OTOF: variants seen among roughly 807,000 people sequenced by gnomAD.
The protein encoded by OTOF is otoferlin.
Under a neutral mutation model 236.8 loss-of-function variants are expected in OTOF, and 218 were observed. The ratio of observed to expected loss-of-function variants is 0.92; its 90% CI spans 0.82 to 1.03. OTOF has a LOEUF of 1.03. Among genes scored for constraint, OTOF ranks in the 50% least tolerant of loss-of-function variants. The pLI is 0.00. For missense variants in OTOF, 2,590 were observed against 2,694.4 expected, an observed-to-expected ratio of 0.96 and a Z score of 0.86; for synonymous variants, 1,041 against 1,072.5, an observed-to-expected ratio of 0.97 and a Z score of 0.57.
At chr2:26,534,201 C>T (rs760842435) in intron 2 of OTOF, among the ~76,000 whole-genome samples, 1 of 152,202 alleles carries the variant, frequency 6.6e-6, no homozygotes, top group Admixed American at 6.5e-5. Flanking sequence ...GCCCATCTTG[C>T]CACACACTAA....
At chr2:26,554,021 A>G (rs1371644346) in intron 1 of OTOF, among the ~76,000 whole-genome samples, 2 of 151,994 alleles carry the variant, frequency 1.3e-5, no homozygotes, top group East Asian at 3.9e-4. Context: ...AAATACAAAA[A>G]TTAGTCGGGC....
At chr2:26,479,071 C>G (rs1399245743) in intron 18 of OTOF, among the ~76,000 whole-genome samples, 193 bp downstream of exon 18, 1 of 152,354 alleles carries the variant, frequency 6.6e-6, no homozygotes, top group Non-Finnish European at 1.5e-5. Context: ...TCACTGGAGG[C>G]TGAGTGACTA....
At chr2:26,512,682 G>T (rs1164341261) in intron 5 of OTOF, among the ~76,000 whole-genome samples, 4 of 152,172 alleles carry the variant, frequency 2.6e-5, no homozygotes, top group African/African-American at 9.7e-5. Context: ...AGAGCCCTTG[G>T]TATAGGGTGG....
At chr2:26,479,701 C>G in intron 16 of OTOF, 48 bp from the exon 17 acceptor site, 1 of 1,578,174 alleles carries the variant, frequency 6.3e-7, no homozygotes, top group Non-Finnish European at 8.7e-7. Flanking sequence ...CCCCACCAGG[C>G]CCCTCCCACC....
At position 26,461,631 on chromosome 2, in the gene OTOF, C is replaced by T; in HGVS notation, c.5533+65G>A. ...CAAGGCAGGGCTCTCCCTGTCCCCG[C>T]CAACCCGGCCCCTGCCTCTTCTCAG... is the stretch of plus-strand genomic sequence containing the variant. On this transcript the variant is annotated intron_variant, in intron 43 of 46. Coordinates refer to ENST00000272371, the MANE Select transcript of OTOF (RefSeq NM_194248.3). This position sits in a 1 kb window ranked among gnomAD's most constrained non-coding sequence, Gnocchi z 6.2. 6.2e-7 allele frequency: 1 copy of T among 1,605,014 alleles called. No individual in the cohort carries two copies. Among genetic ancestry groups the T allele is most frequent in the Non-Finnish European group, 8.5e-7 (1 of 1,178,224 alleles).
Position 26,466,822 on chromosome 2 carries a change from G to C in OTOF, c.4392C>G (p.Leu1464=). 6.2e-7 allele frequency: 1 copy of C among 1,614,248 alleles called. No homozygotes were observed. Among genetic ancestry groups the C allele is most frequent in the Non-Finnish European group, 8.5e-7 (1 of 1,180,052 alleles). Residue 1464 remains leucine (L), a synonymous_variant, in exon 36 of 47, where the codon CTC becomes CTG. Coordinates refer to ENST00000272371, the MANE Select transcript of OTOF (RefSeq NM_194248.3). ...KGSLCVYKVP[L]PEDVSREAGY... Reference sequence around the variant, plus strand: ...CGGCTTCCCGGGACACGTCCTCTGGGAGTGGCACTTTGTACACGCAGAGGG... The same window carrying C: ...CGGCTTCCCGGGACACGTCCTCTGGCAGTGGCACTTTGTACACGCAGAGGG...
chr2:26,469,304 A>G (rs952006423), intron 32 of OTOF, among the ~76,000 whole-genome samples: 4 of 152,244 alleles, frequency 2.6e-5, no homozygotes, highest in African/African-American at 9.7e-5. Flanking sequence ...GCAGTCTGTG[A>G]AAATTGCAGG....
At chr2:26,535,344 C>T (rs879601175) in intron 2 of OTOF, among the ~76,000 whole-genome samples, 5 of 152,166 alleles carry the variant, frequency 3.3e-5, no homozygotes, top group African/African-American at 7.2e-5. Context: ...TGGATGATTT[C>T]GGAGATTGAG....
In OTOF at chr2:26,475,231, G is replaced by A. The variant is rs140224863; in HGVS notation, c.3126+128C>T. On this transcript the variant is annotated intron_variant, in intron 25 of 46. Coordinates refer to ENST00000272371, the MANE Select transcript of OTOF (RefSeq NM_194248.3). ...GCCCCCACTCCCAGCTTCCCAGCCA[G>A]CACCTGGCCAAGGAGCTCTGCAGGT... 1.5e-3 allele frequency: 1,628 copies of A among 1,078,468 alleles called. 2 individuals are homozygous for A. Among genetic ancestry groups the A allele is most frequent in the Non-Finnish European group, 2.2e-3 (1,532 of 709,534 alleles). The allele number at this position is 1,078,468 out of a possible 1,614,324, so 66.8% of individuals were successfully genotyped here. A position where few individuals can be genotyped will look rare whatever the true frequency, so the allele number is the denominator to read the frequency against.
At chr2:26,523,339 T>C (rs1459475956) in intron 3 of OTOF, among the ~76,000 whole-genome samples, 1 of 152,240 alleles carries the variant, frequency 6.6e-6, no homozygotes, top group Non-Finnish European at 1.5e-5. Context: ...CTGCCTAGGA[T>C]GCCTCCTTCC....
Position 26,542,873 on chromosome 2 carries a change from A to G in OTOF, c.80-5099T>C, listed in dbSNP as rs567620980. Among the ~76,000 whole-genome samples the G allele has an allele frequency of 3.4e-4, 51 of 152,228 alleles. 1 individual carries two copies. In the South Asian group the frequency reaches 0.01, roughly 31 times the overall value. On this transcript the variant is annotated intron_variant, in intron 1 of 46. Transcript: ENST00000272371. ...TGGGACTGTTTTCAAGGACGTCGTG[A>G]TTTTGCCAGGGCCCAGCCCACTAGC... is the stretch of plus-strand genomic sequence containing the variant.
chr2:26,550,504 C>A lies in OTOF; in HGVS notation c.79+7989G>T, dbSNP rs1368254186. On this transcript the variant is annotated intron_variant, in intron 1 of 46. Coordinates refer to ENST00000272371, the MANE Select transcript of OTOF (RefSeq NM_194248.3). Reference sequence around the variant, plus strand: ...CCAAGGGGCCTGGCCCTCAAGGCGCCCACCTGGATGGCAGTGGCTCCAGGT... The same window carrying A: ...CCAAGGGGCCTGGCCCTCAAGGCGCACACCTGGATGGCAGTGGCTCCAGGT... Among the ~76,000 whole-genome samples, 3 of 152,224 alleles carry A rather than the reference C, an allele frequency of 2.0e-5. No homozygotes were observed. The East Asian group carries it at 5.8e-4, about 29-fold the overall frequency.
At chr2:26,546,366 A>C (rs1215044608) in intron 1 of OTOF, among the ~76,000 whole-genome samples, 1 of 151,966 alleles carries the variant, frequency 6.6e-6, no homozygotes, top group Non-Finnish European at 1.5e-5. Flanking sequence ...GAGGCTGAGA[A>C]AGGAGAATCG....
chr2:26,475,209 C>T, intron 25 of OTOF, 150 bp downstream of exon 25: 1 of 862,146 alleles, frequency 1.2e-6, no homozygotes, highest in Non-Finnish European at 1.9e-6. Context: ...GATGTCAGCC[C>T]CCACTCCCAG....
intron 18 of OTOF, among the ~76,000 whole-genome samples, chr2:26,478,507 T>C (rs1665422192): frequency 6.6e-6 from 1 of 152,170 alleles, no homozygotes. Context: ...TGCTGGTCCC[T>C]GCTTCCCCAG....
intron 2 of OTOF, among the ~76,000 whole-genome samples, chr2:26,535,011 G>A (rs1667036079): frequency 6.6e-6 from 1 of 152,366 alleles, no homozygotes; most frequent in Non-Finnish European, 1.5e-5. Flanking sequence ...TATGGCTCCA[G>A]GCTACCTTTG....
intron 2 of OTOF, among the ~76,000 whole-genome samples, chr2:26,532,329 G>A (rs1448991778): frequency 2.0e-5 from 3 of 152,114 alleles, no homozygotes; most frequent in African/African-American, 7.2e-5. Flanking sequence ...TGCTTAGTCT[G>A]GAGTTCAGTC....
In OTOF at chr2:26,477,808, A is replaced by G. The variant is rs771364564; in HGVS notation, c.2215-59T>C. 43 of 1,601,106 alleles carry G rather than the reference A, an allele frequency of 2.7e-5. No individual in the cohort carries two copies. The highest frequency in any genetic ancestry group is 3.7e-5 in the Non-Finnish European group (43 of 1,174,240). On this transcript the variant is annotated intron_variant, in intron 18 of 46. Coordinates refer to ENST00000272371, the MANE Select transcript of OTOF (RefSeq NM_194248.3). The surrounding 1 kb of genome is among the most constrained non-coding windows in gnomAD (Gnocchi z 4.7). ...CAGCCCCGCCTCCCCAGCCTCCCCA[A>G]ATGCCTCCTCCCTGTTGATCAGGGG...
intron 35 of OTOF, 112 bp downstream of exon 35, chr2:26,466,987 C>G: frequency 6.4e-7 from 1 of 1,563,632 alleles, no homozygotes; most frequent in Middle Eastern, 1.8e-4. Flanking sequence ...ATGGGAGAGT[C>G]CAGGGCTTCT....
Sources: gnomAD v4.1 joint callset for allele counts (sites outside exome capture counted in the v4.1 genomes callset) on GRCh38, gnomAD v4.1.1 for gene constraint, Gnocchi (gnomAD v3.1) non-coding constraint, MANE v1.5 for transcripts, NCBI Gene and HGNC (gene_info 2026-07-23, HGNC 2026-07-21) for gene names.